PRKD3: variants seen among roughly 807,000 people sequenced by gnomAD.
PRKD3 encodes the protein protein kinase D3.
Under a neutral mutation model 99.2 loss-of-function variants are expected in PRKD3, and 47 were observed. That is an observed-to-expected ratio of 0.47 (90% confidence interval 0.38 to 0.60). The LOEUF (loss-of-function observed/expected upper bound fraction) is 0.60, where lower values mean the gene tolerates loss of function less well. Among genes scored for constraint, PRKD3 ranks in the 20% least tolerant of loss-of-function variants. PRKD3 has a pLI of 0.00. For synonymous variants in PRKD3, 392 were observed against 355.4 expected, an observed-to-expected ratio of 1.10 and a Z score of -1.16; for missense variants, 1,019 against 1,088.4, an observed-to-expected ratio of 0.94 and a Z score of 0.90.
intron 14 of PRKD3, among the ~76,000 whole-genome samples, chr2:37,261,011 A>G (rs1668395313): frequency 6.6e-6 from 1 of 152,194 alleles, no homozygotes; most frequent in African/African-American, 2.4e-5. Flanking sequence ...CCTTCCTCAA[A>G]AACAAATTCA....
intron 11 of PRKD3, 150 bp from the exon 12 acceptor site, chr2:37,272,582 A>T: frequency 1.0e-6 from 1 of 990,896 alleles, no homozygotes; most frequent in Non-Finnish European, 1.4e-6. Context: ...CATACAACCC[A>T]TCAACAGGAA....
intron 16 of PRKD3, among the ~76,000 whole-genome samples, chr2:37,258,871 T>C (rs1668184583): frequency 6.6e-6 from 1 of 152,224 alleles, no homozygotes; most frequent in Admixed American, 6.5e-5. Flanking sequence ...CAAATGTATA[T>C]AAACAATAGT....
intron 2 of PRKD3, among the ~76,000 whole-genome samples, chr2:37,315,888 C>G (rs1671634984): frequency 1.3e-5 from 2 of 152,092 alleles, no homozygotes; most frequent in Non-Finnish European, 2.9e-5. Context: ...CCATGTTTGG[C>G]TAATTTTTGT....
chr2:37,270,395 G>A (rs6726709), intron 12 of PRKD3, among the ~76,000 whole-genome samples: 19,926 of 147,404 alleles, frequency 0.14, 1,505 homozygotes, highest in South Asian at 0.27. Context: ...ACTGGGATTA[G>A]CCTAACTTTG....
At chr2:37,305,766 T>A (rs1032017669) in intron 2 of PRKD3, among the ~76,000 whole-genome samples, 1 of 152,256 alleles carries the variant, frequency 6.6e-6, no homozygotes, top group African/African-American at 2.4e-5. Context: ...TTTGGGACTT[T>A]AAGATCACTA....
intron 10 of PRKD3, 134 bp downstream of exon 10, chr2:37,275,633 G>GGAACCTAACAGTGACTTCTAT: frequency 1.1e-6 from 1 of 951,908 alleles, no homozygotes; most frequent in Non-Finnish European, 1.4e-6. Flanking sequence ...GCTTCAACAA[G>GGAACCTAACAGTGACTTCTAT]GAACCTAACA....
chr2:37,285,630 T>C (rs1670052949), intron 6 of PRKD3, among the ~76,000 whole-genome samples: 1 of 152,194 alleles, frequency 6.6e-6, no homozygotes, highest in African/African-American at 2.4e-5. Context: ...AGTGTCTGGC[T>C]CTGGAATCAA....
At position 37,316,136 on chromosome 2, in the gene PRKD3, T is replaced by G. The variant is rs1003022367; in HGVS notation, c.288+101A>C. The G allele has an allele frequency of 3.3e-6, 4 of 1,228,506 alleles. No individual in the cohort carries two copies. The South Asian group carries it at 4.3e-5, about 13-fold the overall frequency. The allele number at this position is 1,228,506 out of a possible 1,614,324, so 76.1% of individuals were successfully genotyped here. A position where few individuals can be genotyped will look rare whatever the true frequency, so the allele number is the denominator to read the frequency against. ...TCTTCCAAAAATGCACAGAATAAAC[T>G]ACTGATGGATCAGTATGTCTTAACT... On this transcript the variant is annotated intron_variant, in intron 2 of 18. Transcript: ENST00000234179.
intron 2 of PRKD3, among the ~76,000 whole-genome samples, chr2:37,296,006 A>T (rs1670659217): frequency 6.6e-6 from 1 of 152,248 alleles, no homozygotes; most frequent in Non-Finnish European, 1.5e-5. Flanking sequence ...CAGCAAGTAA[A>T]TGGAAAGAGA....
intron 2 of PRKD3, among the ~76,000 whole-genome samples, chr2:37,295,580 C>T (rs1011980688): frequency 6.6e-6 from 1 of 152,140 alleles, no homozygotes; most frequent in South Asian, 2.1e-4. Flanking sequence ...AACTTTGCCA[C>T]CTACTAACTA....
intron 11 of PRKD3, 40 bp from the exon 12 acceptor site, chr2:37,272,472 T>C (rs1302713113): frequency 1.3e-6 from 2 of 1,570,734 alleles, no homozygotes; most frequent in Admixed American, 3.9e-5. Context: ...TATATGACAA[T>C]ATTATTAATC....
chr2:37,295,804 A>G (rs1670649149), intron 2 of PRKD3, among the ~76,000 whole-genome samples: 1 of 152,252 alleles, frequency 6.6e-6, no homozygotes, highest in South Asian at 2.1e-4. Context: ...TTTCAGAGCA[A>G]GGCAGGAACA....
At chr2:37,304,509 G>A (rs920090228) in intron 2 of PRKD3, among the ~76,000 whole-genome samples, 20 of 152,134 alleles carry the variant, frequency 1.3e-4, no homozygotes, top group African/African-American at 4.8e-4. Context: ...GGGAGGCTGA[G>A]GCAGATGGAT....
At chr2:37,269,341 C>T (rs1336519258) in intron 13 of PRKD3, 1 of 399,902 alleles carries the variant, frequency 2.5e-6, no homozygotes, top group Non-Finnish European at 4.7e-6. Context: ...ATCTCCCCCC[C>T]TGCCTCCGAC....
At chr2:37,295,863 G>C (rs931164475) in intron 2 of PRKD3, among the ~76,000 whole-genome samples, 1 of 152,130 alleles carries the variant, frequency 6.6e-6, no homozygotes, top group Non-Finnish European at 1.5e-5. Flanking sequence ...ATTGTGTAGA[G>C]GAACAGGAAC....
chr2:37,277,006 C>G (rs1038308708), intron 9 of PRKD3, among the ~76,000 whole-genome samples: 3 of 151,980 alleles, frequency 2.0e-5, no homozygotes, highest in Admixed American at 6.6e-5. Context: ...AGGATATGAA[C>G]TATAAATAAA....
chr2:37,303,776 T>C (rs953320852), intron 2 of PRKD3, among the ~76,000 whole-genome samples: 4 of 152,214 alleles, frequency 2.6e-5, no homozygotes, highest in Non-Finnish European at 5.9e-5. Context: ...ATGAAGGTTT[T>C]ATTCTAAATG....
intron 1 of PRKD3, among the ~76,000 whole-genome samples, chr2:37,319,656 C>T (rs763030808): frequency 6.6e-6 from 1 of 151,952 alleles, no homozygotes; most frequent in South Asian, 2.1e-4. Flanking sequence ...CCCTAGGTCA[C>T]TGAGAACACA....
chr2:37,274,798 A>G, intron 10 of PRKD3, 101 bp from the exon 11 acceptor site: 1 of 1,147,274 alleles, frequency 8.7e-7, no homozygotes, highest in South Asian at 1.5e-5. Context: ...GAATGCCATT[A>G]AGACGGACAC....
Sources: gnomAD v4.1 joint callset for allele counts (sites outside exome capture counted in the v4.1 genomes callset) on GRCh38, gnomAD v4.1.1 for gene constraint, MANE v1.5 for transcripts, NCBI Gene and HGNC (gene_info 2026-07-23, HGNC 2026-07-21) for gene names.